TRIM45: variants seen among roughly 807,000 people sequenced by gnomAD.
TRIM45 encodes E3 ubiquitin-protein ligase TRIM45.
Under a neutral mutation model 46.7 loss-of-function variants are expected in TRIM45, and 45 were observed. That is an observed-to-expected ratio of 0.96 (90% CI 0.76 to 1.24). The LOEUF is 1.24. Ranked by LOEUF, TRIM45 falls within the 50% of genes most tolerant of loss-of-function variation. The pLI is 0.00. For missense variants in TRIM45, 680 were observed against 728.4 expected, an observed-to-expected ratio of 0.93 and a Z score of 0.77; for synonymous variants, 259 against 285.8, an observed-to-expected ratio of 0.91 and a Z score of 0.94.
intron 4 of TRIM45, among the ~76,000 whole-genome samples, chr1:117,114,493 A>G (rs1485568545): frequency 1.3e-5 from 2 of 152,186 alleles, no homozygotes; most frequent in Non-Finnish European, 2.9e-5. Flanking sequence ...CAATGTGCCT[A>G]TCCTTATGTG....
chr1:117,115,782 C>A lies in TRIM45; in HGVS notation c.1353-93G>T. 1 of 812,798 alleles carries A rather than the reference C, an allele frequency of 1.2e-6. No individual in the cohort carries two copies. Among genetic ancestry groups the A allele is most frequent in the Non-Finnish European group, 2.1e-6 (1 of 480,038 alleles). The allele number at this position is 812,798 out of a possible 1,614,324, so 50.3% of individuals were successfully genotyped here. A position where few individuals can be genotyped will look rare whatever the true frequency, so the allele number is the denominator to read the frequency against. ...AATGTAAACTCTACACCATCCCATTCAGTATTAATGTTAAATATACCCAAA... is the reference window on the plus strand; with the variant it reads ...AATGTAAACTCTACACCATCCCATTAAGTATTAATGTTAAATATACCCAAA... On this transcript the variant is annotated intron_variant, in intron 3 of 5. Coordinates refer to ENST00000256649, the MANE Select transcript of TRIM45 (RefSeq NM_025188.4). The surrounding 1 kb of genome is among the most constrained non-coding windows in gnomAD (Gnocchi z 4.2).
Position 117,115,498 on chromosome 1 carries a change from G to T in TRIM45, c.1467+77C>A. 1 of 1,026,272 alleles carries T rather than the reference G, an allele frequency of 9.7e-7. No homozygotes were observed. The highest frequency in any genetic ancestry group is 1.5e-6 in the Non-Finnish European group (1 of 650,918). The allele number at this position is 1,026,272 out of a possible 1,614,324, so 63.6% of individuals were successfully genotyped here. On this transcript the variant is annotated intron_variant, in intron 4 of 5. Coordinates refer to ENST00000256649, the MANE Select transcript of TRIM45 (RefSeq NM_025188.4). The surrounding 1 kb of genome is among the most constrained non-coding windows in gnomAD (Gnocchi z 4.2). ...TTCTATTCAATCTCTCTGTATAGCT[G>T]ATCCTATGTGAAATGTCTCCAGATC...
upstream of TRIM45, chr1:117,121,947 C>T (rs753628882): frequency 1.2e-5 from 8 of 672,984 alleles, no homozygotes; most frequent in Non-Finnish European, 2.2e-5. The surrounding 1 kb of genome is among the most constrained non-coding windows in gnomAD (Gnocchi z 4.2). Context: ...GCGGGGCGGC[C>T]GAAGGGCTTA....
At position 117,121,434 on chromosome 1, in the gene TRIM45, G is replaced by A; in HGVS notation, c.-233C>T. Reference sequence around the variant, plus strand: ...TTCCACTGCATCCCACACCAGACACGCCCACGCCCTCCTCTGCCCCGCAAG... The same window carrying A: ...TTCCACTGCATCCCACACCAGACACACCCACGCCCTCCTCTGCCCCGCAAG... On this transcript the variant is annotated 5_prime_UTR_variant, in exon 1 of 6. Coordinates refer to ENST00000256649, the MANE Select transcript of TRIM45 (RefSeq NM_025188.4). This position sits in a 1 kb window ranked among gnomAD's most constrained non-coding sequence, Gnocchi z 4.2. The A allele has an allele frequency of 1.9e-6, 1 of 531,996 alleles. No homozygotes were observed. The highest frequency in any genetic ancestry group is 3.3e-6 in the Non-Finnish European group (1 of 305,194). The allele number at this position is 531,996 out of a possible 1,614,324, so 33.0% of individuals were successfully genotyped here.
chr1:117,121,924 G>A, upstream of TRIM45: 1 of 698,842 alleles, frequency 1.4e-6, no homozygotes, highest in Non-Finnish European at 2.7e-6. This position sits in a 1 kb window ranked among gnomAD's most constrained non-coding sequence, Gnocchi z 4.2. Flanking sequence ...GGCGGGACCT[G>A]ACAAGGCCGT....
In TRIM45 at chr1:117,113,146, C is replaced by A. The variant is rs138519035; in HGVS notation, c.1594+213G>T. ...CTCATAGGAGCTGTACCAAAACTAACAGAACTGAGAGCTTTTAAGTCTGCT... is the reference window on the plus strand; with the variant it reads ...CTCATAGGAGCTGTACCAAAACTAAAAGAACTGAGAGCTTTTAAGTCTGCT... On this transcript the variant is annotated intron_variant, in intron 5 of 5. Coordinates refer to ENST00000256649, the MANE Select transcript of TRIM45 (RefSeq NM_025188.4). This position sits in a 1 kb window ranked among gnomAD's most constrained non-coding sequence, Gnocchi z 4.0. 9.2e-5 allele frequency among the ~76,000 whole-genome samples: 14 copies of A among 152,344 alleles called. No homozygotes were observed. Among genetic ancestry groups the A allele is most frequent in the African/African-American group, 2.9e-4 (12 of 41,580 alleles).
In TRIM45 at chr1:117,115,160, T is replaced by C. The variant is rs1026773366; in HGVS notation, c.1467+415A>G. 6.6e-6 allele frequency among the ~76,000 whole-genome samples: 1 copy of C among 152,174 alleles called. No homozygotes were observed. The highest frequency in any genetic ancestry group is 1.5e-5 in the Non-Finnish European group (1 of 68,026). ...GTTAGGCAGATAGATGACTAGTCAA[T>C]TGTGAGGAGGGGGCATAACCCTCTC... On this transcript the variant is annotated intron_variant, in intron 4 of 5. Transcript: ENST00000256649. The surrounding 1 kb of genome is among the most constrained non-coding windows in gnomAD (Gnocchi z 4.2).
At position 117,121,554 on chromosome 1, in the gene TRIM45, C is replaced by G; in HGVS notation, c.-353G>C. ...CTCTCGCTCCCTCCACTGCCACCCC[C>G]CTCCCGCCGCCCGCCCCACTGCGCG... On this transcript the variant is annotated 5_prime_UTR_variant, in exon 1 of 6. Coordinates refer to ENST00000256649, the MANE Select transcript of TRIM45 (RefSeq NM_025188.4). This position sits in a 1 kb window ranked among gnomAD's most constrained non-coding sequence, Gnocchi z 4.2. 1 of 517,184 alleles carries G rather than the reference C, an allele frequency of 1.9e-6. No individual in the cohort carries two copies. The highest frequency in any genetic ancestry group is 3.4e-6 in the Non-Finnish European group (1 of 294,312). 32.0% of individuals were successfully genotyped at this position (517,184 alleles called of 1,614,324 possible). A position where few individuals can be genotyped will look rare whatever the true frequency, so the allele number is the denominator to read the frequency against.
At chr1:117,112,607 C>T (rs546546980) in intron 5 of TRIM45, among the ~76,000 whole-genome samples, 154 bp from the exon 6 acceptor site, 2 of 152,356 alleles carry the variant, frequency 1.3e-5, no homozygotes, top group Admixed American at 1.3e-4. Context: ...AGCTGTCTGA[C>T]TGTTGTGCAG....
At position 117,118,633 on chromosome 1, in the gene TRIM45, C is replaced by G; in HGVS notation, c.623G>C (p.Arg208Pro). The G allele has an allele frequency of 6.2e-7, 1 of 1,614,076 alleles. No individual in the cohort carries two copies. The highest frequency in any genetic ancestry group is 8.5e-7 in the Non-Finnish European group (1 of 1,180,042). ...CACCACACAATCCTGGCACACGGGC[C>G]GGTCACAGAACTCACAGAACAGCCT... ...ELRLFCEFCD[R>P]PVCQDCVVGE... is the part of the protein sequence containing the mutation. The change falls in exon 2 of 6, where the codon CGG (arginine) becomes CCG (proline). Residue 208 changes from arginine (R) to proline (P), a missense_variant. Physicochemically the swap from Arg to Pro is moderately radical, Grantham distance 103. Transcript: ENST00000256649. This position sits in a 1 kb window ranked among gnomAD's most constrained non-coding sequence, Gnocchi z 5.7.
rs1289319433 is a variant in TRIM45, at chr1:117,117,932, C to T, written c.1222+102G>A. ...AGTTTATCTCCCCACCTTTGGTAAC[C>T]TGGTCAGTAGGGCATGCTTCCTAGC... On this transcript the variant is annotated intron_variant, in intron 2 of 5. Coordinates refer to ENST00000256649, the MANE Select transcript of TRIM45 (RefSeq NM_025188.4). The surrounding 1 kb of genome is among the most constrained non-coding windows in gnomAD (Gnocchi z 4.9). The T allele has an allele frequency of 6.9e-7, 1 of 1,448,372 alleles. No individual in the cohort carries two copies. Among genetic ancestry groups the T allele is most frequent in the African/African-American group, 1.4e-5 (1 of 70,658 alleles). The allele number at this position is 1,448,372 out of a possible 1,614,324, so 89.7% of individuals were successfully genotyped here.
Position 117,121,160 on chromosome 1 carries a change from T to G in TRIM45, c.42A>C (p.Lys14Asn), listed in dbSNP as rs1425786715. 2.6e-5 allele frequency: 42 copies of G among 1,587,284 alleles called. No homozygotes were observed. Among genetic ancestry groups the G allele is most frequent in the Non-Finnish European group, 3.4e-5 (40 of 1,167,982 alleles). Reference protein sequence around the residue: ...NRKPLLGFVSKLTSGTALGNS... With the variant: ...NRKPLLGFVSNLTSGTALGNS... ...TCCCAAGTGCAGTCCCACTAGTGAGTTTGCTTACAAAGCCCAGCAGCGGTT... is the reference window on the plus strand; with the variant it reads ...TCCCAAGTGCAGTCCCACTAGTGAGGTTGCTTACAAAGCCCAGCAGCGGTT... Residue 14 changes from lysine to asparagine, a missense_variant, in exon 1 of 6, where the codon AAA becomes AAC. By Grantham distance (94) the Lys-to-Asn change is moderately conservative. Around this residue, in one of 3 missense-constraint regions of TRIM45, gnomAD observed 349 missense variants for 343.6 expected, o/e 1.02. Coordinates refer to ENST00000256649, the MANE Select transcript of TRIM45 (RefSeq NM_025188.4). This position sits in a 1 kb window ranked among gnomAD's most constrained non-coding sequence, Gnocchi z 4.2.
chr1:117,115,706 G>A lies in TRIM45; in HGVS notation c.1353-17C>T. 6.4e-7 allele frequency: 1 copy of A among 1,563,702 alleles called. No homozygotes were observed. Among genetic ancestry groups the A allele is most frequent in the Non-Finnish European group, 8.8e-7 (1 of 1,134,116 alleles). The stretch of plus-strand genomic sequence containing the variant: ...CTGACTGGGCTGAATGGAGATAAGA[G>A]TCAAAACACCACTCACTTCCACAAG... On this transcript the variant is annotated splice_polypyrimidine_tract_variant and intron_variant, in intron 3 of 5. Coordinates refer to ENST00000256649, the MANE Select transcript of TRIM45 (RefSeq NM_025188.4). The surrounding 1 kb of genome is among the most constrained non-coding windows in gnomAD (Gnocchi z 4.2).
rs924726885 is a variant in TRIM45, at chr1:117,116,798, C to T, written c.1223-53G>A. 3.1e-6 allele frequency: 5 copies of T among 1,606,778 alleles called. No homozygotes were observed. Among genetic ancestry groups the T allele is most frequent in the African/African-American group, 2.7e-5 (2 of 74,694 alleles). ...CCTCGAATGTAAACTGCAGTGACTA[C>T]ATCTCCATCTTGCTTTTTCTCTTCA... is the stretch of plus-strand genomic sequence containing the variant. On this transcript the variant is annotated intron_variant, in intron 2 of 5. Coordinates refer to ENST00000256649, the MANE Select transcript of TRIM45 (RefSeq NM_025188.4). This position sits in a 1 kb window ranked among gnomAD's most constrained non-coding sequence, Gnocchi z 4.6.
chr1:117,123,229 G>T (rs915156498), upstream of TRIM45, among the ~76,000 whole-genome samples: 1 of 151,950 alleles, frequency 6.6e-6, no homozygotes. Flanking sequence ...TGTCCTTCTT[G>T]CATCTACTCT....
rs1057396921 is a variant in TRIM45, at chr1:117,111,171, G to A, written c.*1134C>T. On this transcript the variant is annotated 3_prime_UTR_variant, in exon 6 of 6. Coordinates refer to ENST00000256649, the MANE Select transcript of TRIM45 (RefSeq NM_025188.4). ...GGCAGGGCTGAGGCACCAGTGCTGT[G>A]TACATCCTCTCCCCAAATTCTCCAG... 1.3e-5 allele frequency: 2 copies of A among 152,200 alleles called. No homozygotes were observed. The highest frequency in any genetic ancestry group is 4.8e-5 in the African/African-American group (2 of 41,446). 9.4% of individuals were successfully genotyped at this position (152,200 alleles called of 1,614,324 possible).
Position 117,118,560 on chromosome 1 carries a change from G to A in TRIM45, c.696C>T (p.His232=). ...GCTCCCACACAGAGTCCCCATGCTT[G>A]TGGATGACATTGCTGGTGAAGTCAC... ...HPCDFTSNVI[H]KHGDSVWELL... is the part of the protein sequence containing the mutation. The change falls in exon 2 of 6, where the codon CAC becomes CAT. Residue 232 remains histidine, a synonymous_variant. Transcript: ENST00000256649. The surrounding 1 kb of genome is among the most constrained non-coding windows in gnomAD (Gnocchi z 5.7). 1 of 1,614,218 alleles carries A rather than the reference G, an allele frequency of 6.2e-7. No individual in the cohort carries two copies. Among genetic ancestry groups the A allele is most frequent in the African/African-American group, 1.3e-5 (1 of 75,046 alleles).
chr1:117,121,000 C>G lies in TRIM45; in HGVS notation c.202G>C (p.Asp68His), dbSNP rs1570918346. 8.7e-6 allele frequency: 14 copies of G among 1,614,202 alleles called. No individual in the cohort carries two copies. Among genetic ancestry groups the G allele is most frequent in the Non-Finnish European group, 1.1e-5 (13 of 1,180,038 alleles). ...PFSVVDIRGGDSDTSSEGSIF... is the reference protein window; with the variant it reads ...PFSVVDIRGGHSDTSSEGSIF... ...GACCCCTCAGAGCTTGTGTCAGAGT[C>G]TCCCCCTCGGATGTCCACTACTGAG... The change falls in exon 1 of 6, where the codon GAC (aspartate) becomes CAC (histidine). Residue 68 changes from aspartate to histidine, a missense_variant. Coordinates refer to ENST00000256649, the MANE Select transcript of TRIM45 (RefSeq NM_025188.4).
At position 117,111,586 on chromosome 1, in the gene TRIM45, AAGG is replaced by A. The variant is rs1259546502; in HGVS notation, c.*716_*718del. The A allele has an allele frequency of 6.6e-6, 1 of 152,194 alleles. No individual in the cohort carries two copies. Among genetic ancestry groups the A allele is most frequent in the Non-Finnish European group, 1.5e-5 (1 of 68,042 alleles). The allele number at this position is 152,194 out of a possible 1,614,324, so 9.4% of individuals were successfully genotyped here. A position where few individuals can be genotyped will look rare whatever the true frequency, so the allele number is the denominator to read the frequency against. On this transcript the variant is annotated 3_prime_UTR_variant, in exon 6 of 6. Transcript: ENST00000256649. ...TGCTAACAAAAAGTGGACAGGATGAAAGGAGGTTTCTAATCTCTAGGGGAAATA... is the reference window on the plus strand; with the variant it reads ...TGCTAACAAAAAGTGGACAGGATGAAAGGTTTCTAATCTCTAGGGGAAATA...
Sources: allele counts gnomAD v4.1 joint callset (sites outside exome capture counted in the v4.1 genomes callset), GRCh38; gene constraint gnomAD v4.1.1; regional missense constraint gnomAD v4.1.1; non-coding constraint Gnocchi (gnomAD v3.1); transcripts MANE v1.5; gene names NCBI Gene and HGNC (gene_info 2026-07-23, HGNC 2026-07-21).